PTPRM: variants seen among roughly 807,000 people sequenced by gnomAD.
The protein encoded by PTPRM is receptor-type tyrosine-protein phosphatase mu.
PTPRM carries 47 observed loss-of-function variants against 186.7 expected under a neutral mutation model. The ratio of observed to expected loss-of-function variants is 0.25; its 90% CI spans 0.20 to 0.32. The LOEUF is 0.32. PTPRM is among the 10% of genes least tolerant of loss of function. The pLI is 1.00. For missense variants in PTPRM, 1,494 were observed against 1,865.0 expected (o/e 0.80, Z 3.66); for synonymous variants, 668 against 674.9 (o/e 0.99, Z 0.16).
At chr18:7,825,357 T>C (rs1273945698) in intron 2 of PTPRM, among the ~76,000 whole-genome samples, 3 of 151,978 alleles carry the variant, frequency 2.0e-5, no homozygotes, top group Non-Finnish European at 2.9e-5. Flanking sequence ...ATTTAATAAA[T>C]GGAATGGATA....
intron 5 of PTPRM, among the ~76,000 whole-genome samples, chr18:7,942,649 G>T (rs113727225): frequency 1.3e-5 from 2 of 151,926 alleles, no homozygotes; most frequent in African/African-American, 4.8e-5. Context: ...TTGGTGGGGG[G>T]GCGGGGAGGG....
chr18:7,945,406 A>C (rs552962423), intron 5 of PTPRM, among the ~76,000 whole-genome samples: 2 of 151,810 alleles, frequency 1.3e-5, no homozygotes, highest in African/African-American at 4.8e-5. Context: ...CAGAGCTTGC[A>C]GTGAGCAGAG....
chr18:8,378,425 C>T lies in PTPRM; in HGVS notation c.3612+11C>T, dbSNP rs767698716. 5 of 1,613,476 alleles carry T rather than the reference C, an allele frequency of 3.1e-6. No homozygotes were observed. The highest frequency in any genetic ancestry group is 4.2e-6 in the Non-Finnish European group (5 of 1,179,612). On this transcript the variant is annotated intron_variant, in intron 27 of 32. Coordinates refer to ENST00000580170, the MANE Select transcript of PTPRM (RefSeq NM_001105244.2). Reference sequence around the variant, plus strand: ...AAAGAGGAATTCCGGGTAAGTGATGCCTAAGGGAGGGGCACTGCACGGTGA... The same window carrying T: ...AAAGAGGAATTCCGGGTAAGTGATGTCTAAGGGAGGGGCACTGCACGGTGA...
chr18:7,896,645 C>G (rs74782311), intron 3 of PTPRM, among the ~76,000 whole-genome samples: 2 of 152,078 alleles, frequency 1.3e-5, no homozygotes, highest in East Asian at 3.9e-4. Context: ...TGTGGGTTCA[C>G]GAGAGCCTCC....
At chr18:7,831,774 C>T (rs1258057858) in intron 2 of PTPRM, among the ~76,000 whole-genome samples, 4 of 152,140 alleles carry the variant, frequency 2.6e-5, no homozygotes, top group African/African-American at 7.2e-5. Context: ...CTCCTAACCC[C>T]GCATTACCCT....
At chr18:8,271,191 A>G (rs1005082092) in intron 19 of PTPRM, among the ~76,000 whole-genome samples, 3 of 152,090 alleles carry the variant, frequency 2.0e-5, no homozygotes, top group Admixed American at 1.3e-4. Context: ...GTTTATTTAT[A>G]TTATTTACCA....
chr18:7,638,942 C>T (rs1248645821), intron 1 of PTPRM, among the ~76,000 whole-genome samples: 1 of 152,216 alleles, frequency 6.6e-6, no homozygotes, highest in East Asian at 1.9e-4. Context: ...CTCTTTTCCT[C>T]ACAGTGGAAA....
At chr18:7,618,680 T>G (rs1054340283) in intron 1 of PTPRM, among the ~76,000 whole-genome samples, 2 of 152,332 alleles carry the variant, frequency 1.3e-5, no homozygotes, top group South Asian at 4.1e-4. Flanking sequence ...CCCTTTGATT[T>G]GTGATGCCTT....
chr18:8,202,353 T>C (rs2093869288), intron 14 of PTPRM, among the ~76,000 whole-genome samples: 1 of 152,214 alleles, frequency 6.6e-6, no homozygotes, highest in Non-Finnish European at 1.5e-5. Context: ...TTTGAAGTGG[T>C]GCTAGAAAGA....
chr18:7,610,074 C>A (rs1264094043), intron 1 of PTPRM, among the ~76,000 whole-genome samples: 1 of 152,088 alleles, frequency 6.6e-6, no homozygotes, highest in East Asian at 1.9e-4. Context: ...TAGGAAAGAA[C>A]AAGACAACAC....
At chr18:7,695,638 T>C (rs2039827134) in intron 1 of PTPRM, among the ~76,000 whole-genome samples, 1 of 152,244 alleles carries the variant, frequency 6.6e-6, no homozygotes, top group Non-Finnish European at 1.5e-5. Flanking sequence ...TACATGGTAT[T>C]CTTGTTTAGT....
rs75365615 is a variant in PTPRM at position 8,167,895 on chromosome 18, G to A, written c.2300+24116G>A. ...ATAAGTATTATCTTCCAGCGATGTC[G>A]CGAAGTGGCATGTTAAGCCTTTATG... is the stretch of plus-strand genomic sequence containing the variant. On this transcript the variant is annotated intron_variant, in intron 14 of 32. Coordinates refer to ENST00000580170, the MANE Select transcript of PTPRM (RefSeq NM_001105244.2). Among the ~76,000 whole-genome samples the A allele has an allele frequency of 1.1e-4, 17 of 152,298 alleles. No homozygotes were observed. The East Asian group carries it at 2.5e-3, about 22-fold the overall frequency.
At chr18:7,845,044 A>G (rs1055615688) in intron 2 of PTPRM, among the ~76,000 whole-genome samples, 9 of 152,194 alleles carry the variant, frequency 5.9e-5, no homozygotes, top group Non-Finnish European at 8.8e-5. Flanking sequence ...GACAGGATCT[A>G]TAAGGTATGT....
intron 1 of PTPRM, among the ~76,000 whole-genome samples, chr18:7,773,050 G>T (rs934657044): frequency 2.0e-5 from 3 of 152,004 alleles, no homozygotes; most frequent in Non-Finnish European, 4.4e-5. Context: ...TCAACGTGCT[G>T]AATGCTATTG....
chr18:7,625,296 T>A (rs2038034092), intron 1 of PTPRM, among the ~76,000 whole-genome samples: 1 of 152,190 alleles, frequency 6.6e-6, no homozygotes, highest in South Asian at 2.1e-4. Flanking sequence ...TTTCCTGATT[T>A]GCTTTTGCTT....
chr18:8,378,893 C>T (rs1406239432), intron 27 of PTPRM, among the ~76,000 whole-genome samples: 1 of 152,200 alleles, frequency 6.6e-6, no homozygotes, highest in African/African-American at 2.4e-5. Context: ...TCCCCAGGTG[C>T]CTCACTCCAC....
intron 20 of PTPRM, among the ~76,000 whole-genome samples, chr18:8,307,837 C>G (rs2095238302): frequency 6.6e-6 from 1 of 151,680 alleles, no homozygotes; most frequent in Admixed American, 6.6e-5. Context: ...AAAAAGAAAG[C>G]TATAGAGTCA....
intron 1 of PTPRM, among the ~76,000 whole-genome samples, chr18:7,640,951 C>T (rs1876656239): frequency 6.6e-6 from 1 of 152,032 alleles, no homozygotes; most frequent in Admixed American, 6.6e-5. Flanking sequence ...AAAACAAATG[C>T]ATTGTTGGTG....
intron 1 of PTPRM, among the ~76,000 whole-genome samples, chr18:7,742,444 C>CCAGT (rs1281138098): frequency 6.6e-6 from 1 of 152,148 alleles, no homozygotes; most frequent in Non-Finnish European, 1.5e-5. Context: ...ACCCATTCCT[C>CCAGT]CAGTCATTCA....
Sources: gnomAD v4.1 joint callset for allele counts (sites outside exome capture counted in the v4.1 genomes callset) on GRCh38, gnomAD v4.1.1 for gene constraint, MANE v1.5 for transcripts, NCBI Gene and HGNC (gene_info 2026-07-23, HGNC 2026-07-21) for gene names.